Variants in FLRT2 observed in about 807,000 individuals in gnomAD.
FLRT2 encodes the protein fibronectin leucine rich transmembrane protein 2.
FLRT2 carries 15 observed loss-of-function variants against 40.0 expected under a neutral mutation model. That is an observed-to-expected ratio of 0.38 (90% CI 0.25 to 0.58). FLRT2 has a LOEUF of 0.58. FLRT2 is among the 20% of genes least tolerant of loss of function. The pLI, the probability that FLRT2 is intolerant of heterozygous loss-of-function variation, is 0.71. For synonymous variants in FLRT2, 380 were observed against 336.8 expected (o/e 1.13, Z -1.41); for missense variants, 726 against 840.0 (o/e 0.86, Z 1.68).
rs1555373563 is a variant in FLRT2 at position 85,643,346 on chromosome 14, T to TTCCTTCCTTCCTTC, written c.*19849_*19850insTCCTTCCTTCCTTC. The TTCCTTCCTTCCTTC allele has an allele frequency of 3.9e-4, 23 of 58,428 alleles. No individual in the cohort carries two copies. The highest frequency in any genetic ancestry group is 1.3e-3 in the African/African-American group (21 of 16,794). 3.6% of individuals were successfully genotyped at this position (58,428 alleles called of 1,614,324 possible). On this transcript the variant is annotated 3_prime_UTR_variant, in exon 2 of 2. Coordinates refer to ENST00000330753, the MANE Select transcript of FLRT2 (RefSeq NM_013231.6). ...TTCTTTCTTTCTTTCTTTCTTTCTT[T>TTCCTTCCTTCCTTC]CTTTCTTTCTTCCTTCCTTCCTTCC...
chr14:85,533,190 G>C lies in FLRT2; in HGVS notation c.-377+2656G>C, dbSNP rs1445697067. Among the ~76,000 whole-genome samples, 4 of 152,066 alleles carry C rather than the reference G, an allele frequency of 2.6e-5. No individual in the cohort carries two copies. In the South Asian group the frequency reaches 8.3e-4, roughly 32 times the overall value. On this transcript the variant is annotated intron_variant, in intron 1 of 1. Transcript: ENST00000330753. ...GGGAGAGAAAGAGGGCTCCAGGAGC[G>C]GAGCGCGCCAGAGCGCGAGGGACGG...
intron 1 of FLRT2, among the ~76,000 whole-genome samples, chr14:85,575,811 C>A (rs1473574482): frequency 6.6e-6 from 1 of 152,172 alleles, no homozygotes; most frequent in East Asian, 1.9e-4. Flanking sequence ...CAGCTAAATG[C>A]CTTCACGTCT....
rs1436206575 is a variant in FLRT2 at position 85,649,883 on chromosome 14, C to A, written c.*26386C>A. ...TCATATTCTGAAGAATGAAGCATTT[C>A]TGTCCTAGGTGATTATAAAGTTTGT... is the stretch of plus-strand genomic sequence containing the variant. On this transcript the variant is annotated 3_prime_UTR_variant, in exon 2 of 2. Transcript: ENST00000330753. 6.6e-6 allele frequency: 1 copy of A among 151,964 alleles called. No homozygotes were observed. The highest frequency in any genetic ancestry group is 2.4e-5 in the African/African-American group (1 of 41,398). The allele number at this position is 151,964 out of a possible 1,614,324, so 9.4% of individuals were successfully genotyped here.
At chr14:85,585,486 T>G (rs2139882097) in intron 1 of FLRT2, among the ~76,000 whole-genome samples, 1 of 152,272 alleles carries the variant, frequency 6.6e-6, no homozygotes, top group South Asian at 2.1e-4. Flanking sequence ...TTTCTGATCA[T>G]TAATGTAAGG....
At chr14:85,545,371 G>C (rs1889221828) in intron 1 of FLRT2, among the ~76,000 whole-genome samples, 1 of 152,194 alleles carries the variant, frequency 6.6e-6, no homozygotes, top group Non-Finnish European at 1.5e-5. Flanking sequence ...GAAGTAGAGA[G>C]AGTTGCCTCA....
intron 1 of FLRT2, among the ~76,000 whole-genome samples, chr14:85,620,731 G>C (rs1184301190): frequency 6.6e-6 from 1 of 152,162 alleles, no homozygotes; most frequent in Non-Finnish European, 1.5e-5. Flanking sequence ...CTAGCTGTCA[G>C]TCATCACCTC....
rs1594983607 is a variant in FLRT2 at position 85,654,084 on chromosome 14, A to G, written c.*30587A>G. On this transcript the variant is annotated 3_prime_UTR_variant, in exon 2 of 2. Transcript: ENST00000330753. ...AATGATTTCACTTAAGGCAAGGCAT[A>G]TTAAAATACAAATTCGTAAAGATAA... is the stretch of plus-strand genomic sequence containing the variant. The G allele has an allele frequency of 6.6e-6, 1 of 152,322 alleles. No individual in the cohort carries two copies. The highest frequency in any genetic ancestry group is 1.5e-5 in the Non-Finnish European group (1 of 68,034). The allele number at this position is 152,322 out of a possible 1,614,324, so 9.4% of individuals were successfully genotyped here.
At position 85,621,464 on chromosome 14, in the gene FLRT2, T is replaced by G. The variant is rs1398842430; in HGVS notation, c.-51T>G. 1.9e-5 allele frequency: 29 copies of G among 1,496,634 alleles called. No individual in the cohort carries two copies. The Middle Eastern group carries it at 1.1e-3, about 55-fold the overall frequency. 92.7% of individuals were successfully genotyped at this position (1,496,634 alleles called of 1,614,324 possible). A position where few individuals can be genotyped will look rare whatever the true frequency, so the allele number is the denominator to read the frequency against. The stretch of plus-strand genomic sequence containing the variant: ...ATTTTGATTTTGCTGTTTATTTTTT[T>G]TTTCTTTTTCTTTTTCCCACCACAT... On this transcript the variant is annotated 5_prime_UTR_variant, in exon 2 of 2. Transcript: ENST00000330753.
In FLRT2 at chr14:85,544,511, T is replaced by A. The variant is rs537947639; in HGVS notation, c.-377+13977T>A. Among the ~76,000 whole-genome samples, 4 of 152,312 alleles carry A rather than the reference T, an allele frequency of 2.6e-5. No individual in the cohort carries two copies. In the South Asian group the frequency reaches 6.2e-4, roughly 24 times the overall value. ...ATTTTTTGCTTGTTATTATTTTGTT[T>A]ATTTCATCCTAGGCCCATTATTTCC... On this transcript the variant is annotated intron_variant, in intron 1 of 1. Transcript: ENST00000330753.
chr14:85,615,567 A>T (rs1893086747), intron 1 of FLRT2, among the ~76,000 whole-genome samples: 1 of 152,038 alleles, frequency 6.6e-6, no homozygotes, highest in African/African-American at 2.4e-5. Context: ...CTAATGATCA[A>T]CTTCCGGGGG....
chr14:85,602,201 A>G (rs1892406244), intron 1 of FLRT2, among the ~76,000 whole-genome samples: 1 of 152,228 alleles, frequency 6.6e-6, no homozygotes, highest in Non-Finnish European at 1.5e-5. Flanking sequence ...ATGCATAAAT[A>G]TGCATGTATA....
rs759593697 is a variant in FLRT2, at chr14:85,622,651, G to A, written c.1137G>A (p.Pro379=). The A allele has an allele frequency of 1.2e-6, 2 of 1,613,716 alleles. No homozygotes were observed. The highest frequency in any genetic ancestry group is 1.7e-6 in the Non-Finnish European group (2 of 1,179,972). ...CCCCAGCCCCAAGTACAGCTTCTCC[G>A]ACCACTCAGCCTCCCACCCTCTCTA... ...LFTPAPSTAS[P]TTQPPTLSIP... is the part of the protein sequence containing the mutation. Residue 379 remains proline (P), a synonymous_variant, in exon 2 of 2, where the codon CCG becomes CCA. Coordinates refer to ENST00000330753, the MANE Select transcript of FLRT2 (RefSeq NM_013231.6).
At chr14:85,596,414 C>T (rs1027279512) in intron 1 of FLRT2, among the ~76,000 whole-genome samples, 6 of 152,200 alleles carry the variant, frequency 3.9e-5, no homozygotes, top group African/African-American at 7.2e-5. Flanking sequence ...AGCTCCAGCA[C>T]ATTTGTTAGC....
rs906548511 is a variant in FLRT2, at chr14:85,635,803, G to A, written c.*12306G>A. The A allele has an allele frequency of 6.6e-6, 1 of 152,004 alleles. No individual in the cohort carries two copies. Among genetic ancestry groups the A allele is most frequent in the Non-Finnish European group, 1.5e-5 (1 of 67,952 alleles). 9.4% of individuals were successfully genotyped at this position (152,004 alleles called of 1,614,324 possible). A position where few individuals can be genotyped will look rare whatever the true frequency, so the allele number is the denominator to read the frequency against. On this transcript the variant is annotated 3_prime_UTR_variant, in exon 2 of 2. Coordinates refer to ENST00000330753, the MANE Select transcript of FLRT2 (RefSeq NM_013231.6). Reference sequence around the variant, plus strand: ...AATACTTTTATAAAACCACTACTTAGCAGCTAACAATGAAATGTTCATTTC... The same window carrying A: ...AATACTTTTATAAAACCACTACTTAACAGCTAACAATGAAATGTTCATTTC...
At chr14:85,557,376 A>G (rs1305269382) in intron 1 of FLRT2, among the ~76,000 whole-genome samples, 1 of 152,108 alleles carries the variant, frequency 6.6e-6, no homozygotes, top group African/African-American at 2.4e-5. Context: ...CGAGTATTGA[A>G]GTGTTGAATT....
At chr14:85,582,931 T>C (rs1891457456) in intron 1 of FLRT2, among the ~76,000 whole-genome samples, 1 of 151,962 alleles carries the variant, frequency 6.6e-6, no homozygotes, top group South Asian at 2.1e-4. Flanking sequence ...TTTCTATAAT[T>C]TTCTGCCTCA....
At chr14:85,606,433 A>G (rs1395627528) in intron 1 of FLRT2, among the ~76,000 whole-genome samples, 3 of 152,022 alleles carry the variant, frequency 2.0e-5, no homozygotes, top group Non-Finnish European at 4.4e-5. Context: ...AATATTTACT[A>G]CACAGTGTGG....
rs573710521 is a variant in FLRT2, at chr14:85,629,918, G to A, written c.*6421G>A. The A allele has an allele frequency of 1.3e-5, 2 of 152,084 alleles. No individual in the cohort carries two copies. Among genetic ancestry groups the A allele is most frequent in the African/African-American group, 2.4e-5 (1 of 41,416 alleles). The allele number at this position is 152,084 out of a possible 1,614,324, so 9.4% of individuals were successfully genotyped here. Reference sequence around the variant, plus strand: ...GGCTGCACATTTATCTGATTTGAAGGTTTCAGATGGAATCAAGATATGTCT... The same window carrying A: ...GGCTGCACATTTATCTGATTTGAAGATTTCAGATGGAATCAAGATATGTCT... On this transcript the variant is annotated 3_prime_UTR_variant, in exon 2 of 2. Transcript: ENST00000330753.
chr14:85,654,100 G>A lies in FLRT2; in HGVS notation c.*30603G>A, dbSNP rs537338784. ...GCAAGGCATATTAAAATACAAATTC[G>A]TAAAGATAATACCTTGATGTTTATG... On this transcript the variant is annotated 3_prime_UTR_variant, in exon 2 of 2. Transcript: ENST00000330753. The A allele has an allele frequency of 7.9e-5, 12 of 152,176 alleles. No homozygotes were observed. The highest frequency in any genetic ancestry group is 2.1e-4 in the South Asian group (1 of 4,808). The allele number at this position is 152,176 out of a possible 1,614,324, so 9.4% of individuals were successfully genotyped here. A position where few individuals can be genotyped will look rare whatever the true frequency, so the allele number is the denominator to read the frequency against.
Sources: allele counts gnomAD v4.1 joint callset (sites outside exome capture counted in the v4.1 genomes callset), GRCh38; gene constraint gnomAD v4.1.1; transcripts MANE v1.5; gene names NCBI Gene and HGNC (gene_info 2026-07-23, HGNC 2026-07-21).